The following ABCA5 variants were observed in gnomAD, a reference collection of about 807,000 sequenced individuals.
The protein encoded by ABCA5 is ATP binding cassette subfamily A member 5.
In ABCA5, 163 loss-of-function variants were observed where a neutral mutation model predicts 206.0. The ratio of observed to expected loss-of-function variants is 0.79; its 90% CI spans 0.70 to 0.90. The LOEUF is 0.90. Ranked by LOEUF, ABCA5 falls within the 40% of genes least tolerant of loss-of-function variation. The pLI is 0.00. For missense variants in ABCA5, 1,859 were observed against 1,912.9 expected (o/e 0.97, Z 0.53); for synonymous variants, 609 against 613.8 (o/e 0.99, Z 0.11).
rs535012266 is a variant in ABCA5 at position 69,301,814 on chromosome 17, G to A, written c.1120-528C>T. Among the ~76,000 whole-genome samples the A allele has an allele frequency of 2.6e-5, 4 of 152,232 alleles. No homozygotes were observed. In the South Asian group the frequency reaches 8.3e-4, roughly 32 times the overall value. Reference sequence around the variant, plus strand: ...AGGTTGAAGCCTCATTTAGGTCCTAGCCCTGCCATTAAGTGAATACGCTTT... The same window carrying A: ...AGGTTGAAGCCTCATTTAGGTCCTAACCCTGCCATTAAGTGAATACGCTTT... On this transcript the variant is annotated intron_variant, in intron 8 of 38. Transcript: ENST00000392676.
At chr17:69,302,032 A>G (rs2075657883) in intron 8 of ABCA5, among the ~76,000 whole-genome samples, 1 of 152,202 alleles carries the variant, frequency 6.6e-6, no homozygotes, top group African/African-American at 2.4e-5. Flanking sequence ...AAAAAAGTAA[A>G]ATGATTAACT....
At position 69,244,862 on chromosome 17, in the gene ABCA5, T is replaced by C. The variant is rs2074933522; in HGVS notation, c.*2675A>G. 1 of 150,272 alleles carries C rather than the reference T, an allele frequency of 6.7e-6. No individual in the cohort carries two copies. The allele number at this position is 150,272 out of a possible 1,614,324, so 9.3% of individuals were successfully genotyped here. On this transcript the variant is annotated 3_prime_UTR_variant, in exon 39 of 39. Transcript: ENST00000392676. Reference sequence around the variant, plus strand: ...AGTACTACTAGCAAAGGATTTGTCATATTATAGTTAGTTATATAAAATAAT... The same window carrying C: ...AGTACTACTAGCAAAGGATTTGTCACATTATAGTTAGTTATATAAAATAAT...
At chr17:69,259,898 C>A in intron 27 of ABCA5, 101 bp from the exon 28 acceptor site, 1 of 548,848 alleles carries the variant, frequency 1.8e-6, no homozygotes. Flanking sequence ...CATCAAGTTC[C>A]TTGCCATTAC....
At chr17:69,274,916 TCA>T (rs199885072) in intron 19 of ABCA5, among the ~76,000 whole-genome samples, 2,515 of 145,814 alleles carry the variant, frequency 0.017, 71 homozygotes, top group African/African-American at 0.059. Flanking sequence ...TGATCTCGGC[TCA>T]CTGCAACCTC....
chr17:69,249,982 A>C lies in ABCA5; in HGVS notation c.4688T>G (p.Phe1563Cys). 6.8e-7 allele frequency: 1 copy of C among 1,481,454 alleles called. No homozygotes were observed. Among genetic ancestry groups the C allele is most frequent in the East Asian group, 2.3e-5 (1 of 42,774 alleles). 91.8% of individuals were successfully genotyped at this position (1,481,454 alleles called of 1,614,324 possible). Residue 1563 changes from phenylalanine to cysteine, a missense_variant and splice_region_variant, in exon 37 of 39, where the codon TTT becomes TGT. Transcript: ENST00000392676. ...IFPNASRQES[F>C]SSILAYKIPK... Reference sequence around the variant, plus strand: ...AATTTTATAAGCCAAAATAGAAGAAAAACTGGAAAAAAAGATAAAATATGG... The same window carrying C: ...AATTTTATAAGCCAAAATAGAAGAACAACTGGAAAAAAAGATAAAATATGG...
rs1398045188 is a variant in ABCA5 at position 69,326,536 on chromosome 17, C to A, written c.-16+516G>T. Among the ~76,000 whole-genome samples the A allele has an allele frequency of 2.0e-5, 3 of 152,188 alleles. No individual in the cohort carries two copies. The highest frequency in any genetic ancestry group is 7.2e-5 in the African/African-American group (3 of 41,448). On this transcript the variant is annotated intron_variant, in intron 1 of 38. Coordinates refer to ENST00000392676, the MANE Select transcript of ABCA5 (RefSeq NM_172232.4). The surrounding 1 kb of genome is among the most constrained non-coding windows in gnomAD (Gnocchi z 4.8). Reference sequence around the variant, plus strand: ...CTCCCAAACTGTGTCATGAGATCTGCGCATTTTCTTCTCACTGAAACTCCT... The same window carrying A: ...CTCCCAAACTGTGTCATGAGATCTGAGCATTTTCTTCTCACTGAAACTCCT...
At chr17:69,258,112 G>A (rs908179717) in intron 28 of ABCA5, among the ~76,000 whole-genome samples, 9 of 151,896 alleles carry the variant, frequency 5.9e-5, no homozygotes, top group East Asian at 1.9e-4. Context: ...AATGTTATTC[G>A]TTACCAAACA....
At chr17:69,257,886 T>C (rs886971306) in intron 28 of ABCA5, among the ~76,000 whole-genome samples, 1 of 152,124 alleles carries the variant, frequency 6.6e-6, no homozygotes, top group Non-Finnish European at 1.5e-5. Context: ...TGCTGCTTCC[T>C]CTAGGACTGG....
In ABCA5 at chr17:69,267,989, G is replaced by A. The variant is rs1448951896; in HGVS notation, c.3098C>T (p.Thr1033Ile). ...FQAALLGIIV[T>I]AMPPYFAMEN... ...CATGGCAAAGTAAGGTGGCATTGCA[G>A]TAACAATGATTCCAAGCAAAGCTGC... is the stretch of plus-strand genomic sequence containing the variant. Residue 1033 changes from threonine (T) to isoleucine (I), a missense_variant, in exon 23 of 39, where the codon ACT becomes ATT. Thr to Ile is a moderately conservative substitution (Grantham distance 89). Transcript: ENST00000392676. 6.2e-6 allele frequency: 10 copies of A among 1,611,836 alleles called. No individual in the cohort carries two copies. Among genetic ancestry groups the A allele is most frequent in the South Asian group, 2.2e-5 (2 of 90,886 alleles).
At chr17:69,306,597 G>T in intron 6 of ABCA5, 128 bp downstream of exon 6, 2 of 401,062 alleles carry the variant, frequency 5.0e-6, no homozygotes, top group Non-Finnish European at 8.1e-6. Context: ...CAAGACTAAG[G>T]CAATCATTGT....
At chr17:69,271,894 C>T (rs2075277470) in intron 20 of ABCA5, among the ~76,000 whole-genome samples, 1 of 152,088 alleles carries the variant, frequency 6.6e-6, no homozygotes, top group African/African-American at 2.4e-5. Context: ...AACACATAAT[C>T]ACATCTCTAC....
Position 69,290,007 on chromosome 17 carries a change from G to A in ABCA5, c.1637C>T (p.Ser546Leu). The change falls in exon 13 of 39, where the codon TCA (serine) becomes TTA (leucine). Residue 546 changes from serine to leucine, a missense_variant. Transcript: ENST00000392676. ...TGCTTCAAACATTTCATCTATTTCT[G>A]AGACTCTGTGTCCATATATAGATGC... ...GFASIYGHRVSEIDEMFEARK... is the reference protein window; with the variant it reads ...GFASIYGHRVLEIDEMFEARK... 1.2e-6 allele frequency: 2 copies of A among 1,610,706 alleles called. No individual in the cohort carries two copies. The highest frequency in any genetic ancestry group is 1.3e-5 in the African/African-American group (1 of 74,872).
rs530903991 is a variant in ABCA5 at position 69,252,725 on chromosome 17, T to C, written c.4415+848A>G. On this transcript the variant is annotated intron_variant, in intron 34 of 38. Transcript: ENST00000392676. ...GGTGGCTCTTGCCTGTAGTCCCAGG[T>C]ACTTGGAAGGCTGAGGCAGGAGAAT... 9.3e-5 allele frequency among the ~76,000 whole-genome samples: 14 copies of C among 150,562 alleles called. No homozygotes were observed. In the South Asian group the frequency reaches 2.9e-3, roughly 32 times the overall value.
intron 8 of ABCA5, among the ~76,000 whole-genome samples, chr17:69,302,272 C>G (rs899429439): frequency 3.3e-5 from 5 of 152,220 alleles, no homozygotes; most frequent in Admixed American, 1.3e-4. Flanking sequence ...TCCATGAAGC[C>G]TGGGCCAACA....
At chr17:69,296,752 G>C (rs183387209) in intron 10 of ABCA5, among the ~76,000 whole-genome samples, 188 of 152,274 alleles carry the variant, frequency 1.2e-3, no homozygotes, top group Admixed American at 2.0e-3. Flanking sequence ...ATCACCTGAG[G>C]CTACGAATTC....
Position 69,289,181 on chromosome 17 carries a change from G to C in ABCA5, c.1898C>G (p.Pro633Arg). The change falls in exon 14 of 39, where the codon CCA becomes CGA. Residue 633 changes from proline (P) to arginine (R), a missense_variant. By Grantham distance (103) the Pro-to-Arg change is moderately radical. Coordinates refer to ENST00000392676, the MANE Select transcript of ABCA5 (RefSeq NM_172232.4). ...LSLGIAVLGNPKILLLDEPTA... is the reference protein window; with the variant it reads ...LSLGIAVLGNRKILLLDEPTA... ...GTAAAAGTAATATTTATTTACCTTT[G>C]GGTTCCCAAGAACAGCAATTCCTAA... 6.3e-7 allele frequency: 1 copy of C among 1,595,472 alleles called. No homozygotes were observed.
chr17:69,251,702 AC>A lies in ABCA5; in HGVS notation c.4535+44del, dbSNP rs574878377. 9.3e-4 allele frequency: 1,442 copies of A among 1,558,506 alleles called. 27 individuals are homozygous for A. In the South Asian group the frequency reaches 0.017, roughly 18 times the overall value. Reference sequence around the variant, plus strand: ...TTGAAATGATGACTTTCAAAATCCAACCCCCAACCTCTTCCCCTGAATGGCA... The same window carrying A: ...TTGAAATGATGACTTTCAAAATCCAACCCCAACCTCTTCCCCTGAATGGCA... On this transcript the variant is annotated intron_variant, in intron 35 of 38. Transcript: ENST00000392676.
chr17:69,289,396 T>C (rs898071960), intron 13 of ABCA5, 100 bp from the exon 14 acceptor site: 32 of 939,250 alleles, frequency 3.4e-5, no homozygotes, highest in Non-Finnish European at 4.2e-5. Flanking sequence ...ATGTGTTAGA[T>C]ATTTAAGTAA....
intron 19 of ABCA5, among the ~76,000 whole-genome samples, chr17:69,275,966 C>T (rs1034720583): frequency 3.3e-5 from 5 of 152,148 alleles, no homozygotes; most frequent in African/African-American, 1.2e-4. Flanking sequence ...CATGCTGGCA[C>T]CCTGATCTCA....
Sources: allele counts gnomAD v4.1 joint callset (sites outside exome capture counted in the v4.1 genomes callset), GRCh38; gene constraint gnomAD v4.1.1; non-coding constraint Gnocchi (gnomAD v3.1); transcripts MANE v1.5; gene names NCBI Gene and HGNC (gene_info 2026-07-23, HGNC 2026-07-21).